Variants in MKLN1 observed in about 807,000 individuals in gnomAD.
MKLN1 encodes muskelin.
In MKLN1, 18 loss-of-function variants were observed where a neutral mutation model predicts 99.0. The observed-to-expected ratio is 0.18, with a 90% CI of 0.13 to 0.27. The LOEUF (loss-of-function observed/expected upper bound fraction) is 0.27, where lower values mean the gene tolerates loss of function less well. Ranked by LOEUF, MKLN1 falls within the 10% of genes least tolerant of loss-of-function variation. MKLN1 has a pLI of 1.00. For missense variants in MKLN1, 621 were observed against 875.9 expected, an observed-to-expected ratio of 0.71 and a Z score of 3.67; for synonymous variants, 288 against 293.2, an observed-to-expected ratio of 0.98 and a Z score of 0.18.
intron 3 of MKLN1, among the ~76,000 whole-genome samples, chr7:131,249,822 G>A (rs543430046): frequency 2.6e-5 from 4 of 152,172 alleles, no homozygotes; most frequent in Non-Finnish European, 5.9e-5. Context: ...GAAGGGGCAG[G>A]AGATGCTGCT....
intron 1 of MKLN1, among the ~76,000 whole-genome samples, chr7:131,123,429 T>A (rs994132959): frequency 2.6e-5 from 4 of 152,348 alleles, no homozygotes; most frequent in South Asian, 2.1e-4. Flanking sequence ...ATAATTTTTA[T>A]GTGTCATAAA....
At chr7:131,361,496 T>G (rs1371168816) in intron 1 of MKLN1, among the ~76,000 whole-genome samples, 1 of 151,870 alleles carries the variant, frequency 6.6e-6, no homozygotes. Context: ...TATCAAAATC[T>G]AGATCATATC....
At chr7:131,372,824 G>A (rs1793506280) in intron 1 of MKLN1, among the ~76,000 whole-genome samples, 2 of 150,988 alleles carry the variant, frequency 1.3e-5, no homozygotes, top group African/African-American at 4.9e-5. Context: ...TGACTGCCTT[G>A]GGTTCAAATC....
At chr7:131,363,611 T>G (rs762955188) in intron 1 of MKLN1, among the ~76,000 whole-genome samples, 5 of 152,108 alleles carry the variant, frequency 3.3e-5, no homozygotes, top group Non-Finnish European at 5.9e-5. Context: ...TTCTCAGATT[T>G]TCTTTCCCAT....
intron 3 of MKLN1, among the ~76,000 whole-genome samples, chr7:131,251,886 C>A (rs528820265): frequency 1.3e-5 from 2 of 151,854 alleles, no homozygotes; most frequent in African/African-American, 4.8e-5. Flanking sequence ...GCCATGTTTT[C>A]CAGGTTGGTC....
intron 12 of MKLN1, among the ~76,000 whole-genome samples, chr7:131,457,067 C>T (rs1443008555): frequency 6.6e-6 from 1 of 152,026 alleles, no homozygotes; most frequent in Admixed American, 6.5e-5. Context: ...AACCTGAGGT[C>T]GGGAGTTTGA....
At chr7:131,279,997 A>T (rs547216976) in intron 3 of MKLN1, among the ~76,000 whole-genome samples, 1 of 152,058 alleles carries the variant, frequency 6.6e-6, no homozygotes, top group Non-Finnish European at 1.5e-5. Flanking sequence ...CCAGGCAACC[A>T]CTAATCTACT....
chr7:131,396,335 A>G (rs948783288), intron 4 of MKLN1, among the ~76,000 whole-genome samples: 1 of 152,142 alleles, frequency 6.6e-6, no homozygotes, highest in Non-Finnish European at 1.5e-5. Context: ...GGCCTCCCAA[A>G]GTGCTGGGAT....
At chr7:131,454,851 TAG>T (rs1447293644) in intron 12 of MKLN1, among the ~76,000 whole-genome samples, 1 of 152,154 alleles carries the variant, frequency 6.6e-6, no homozygotes, top group Non-Finnish European at 1.5e-5. Flanking sequence ...ATGTGATGCT[TAG>T]AGTTGGTATT....
At chr7:131,148,695 C>T (rs1382518047) in intron 2 of MKLN1, among the ~76,000 whole-genome samples, 1 of 152,104 alleles carries the variant, frequency 6.6e-6, no homozygotes, top group African/African-American at 2.4e-5. Flanking sequence ...ATCACTTGAA[C>T]CCCAGGAGGT....
chr7:131,256,016 C>A (rs1797653040), intron 3 of MKLN1, among the ~76,000 whole-genome samples: 1 of 151,910 alleles, frequency 6.6e-6, no homozygotes, highest in South Asian at 2.1e-4. Context: ...AGTGATTCTC[C>A]TGCCTCAGCC....
At chr7:131,263,956 C>G (rs941589146) in intron 3 of MKLN1, among the ~76,000 whole-genome samples, 3 of 152,044 alleles carry the variant, frequency 2.0e-5, no homozygotes, top group African/African-American at 7.2e-5. Flanking sequence ...CAGGATATAG[C>G]CTTTATCCTG....
intron 9 of MKLN1, among the ~76,000 whole-genome samples, chr7:131,434,002 G>A (rs1176468968): frequency 4.6e-5 from 7 of 151,042 alleles, no homozygotes; most frequent in African/African-American, 1.2e-4. Flanking sequence ...TCCTACCTCA[G>A]CCTCCCGAGT....
At chr7:131,373,689 C>A (rs1323288040) in intron 1 of MKLN1, among the ~76,000 whole-genome samples, 2 of 152,228 alleles carry the variant, frequency 1.3e-5, no homozygotes, top group Non-Finnish European at 1.5e-5. Flanking sequence ...GGCATAGTTA[C>A]TATATATGTT....
At chr7:131,327,741 AG>A (rs1798924673), upstream of MKLN1, 2 of 1,320,672 alleles carry the variant, frequency 1.5e-6, no homozygotes, top group Non-Finnish European at 2.0e-6. Context: ...GGAAACCCTG[AG>A]ATAGGACATT....
intron 1 of MKLN1, among the ~76,000 whole-genome samples, chr7:131,136,492 AC>A (rs1393167584): frequency 4.6e-5 from 7 of 152,218 alleles, no homozygotes; most frequent in Admixed American, 2.6e-4. Context: ...ACCTGGGTAG[AC>A]CAGACCCAGA....
At chr7:131,210,136 A>C (rs992743600) in intron 3 of MKLN1, among the ~76,000 whole-genome samples, 1 of 152,234 alleles carries the variant, frequency 6.6e-6, no homozygotes, top group African/African-American at 2.4e-5. Context: ...GATGCCTATT[A>C]GATATTCATG....
rs1048839326 is a variant in MKLN1 at position 131,463,296 on chromosome 7, A to G, written c.1605A>G (p.Lys535=). ...TACACGTCTTATCTGGACTCAGCAA[A>G]GATAAGGAAAAGAGGGAAGAAAATG... ...NEIHVLSGLS[K]DKEKREENVR... is the part of the protein sequence containing the mutation. The change falls in exon 13 of 18, where the codon AAA becomes AAG. Residue 535 remains lysine (K), a synonymous_variant. Coordinates refer to ENST00000352689, the MANE Select transcript of MKLN1 (RefSeq NM_013255.5). The G allele has an allele frequency of 6.2e-6, 10 of 1,612,544 alleles. No homozygotes were observed. Among genetic ancestry groups the G allele is most frequent in the Non-Finnish European group, 8.5e-6 (10 of 1,179,340 alleles).
intron 3 of MKLN1, among the ~76,000 whole-genome samples, chr7:131,274,636 C>G (rs148504779): frequency 0.016 from 2,212 of 135,412 alleles, 46 homozygotes; most frequent in African/African-American, 0.063. Context: ...AGAGCAAGAC[C>G]CTGTCTCAAA....
Sources: gnomAD v4.1 joint callset for allele counts (sites outside exome capture counted in the v4.1 genomes callset) on GRCh38, gnomAD v4.1.1 for gene constraint, MANE v1.5 for transcripts, NCBI Gene and HGNC (gene_info 2026-07-23, HGNC 2026-07-21) for gene names.